Variants in SAMD4A observed in about 807,000 individuals in gnomAD.
SAMD4A encodes the protein sterile alpha motif domain containing 4A.
SAMD4A carries 33 observed loss-of-function variants against 81.3 expected under a neutral mutation model. That is an observed-to-expected ratio of 0.41 (90% CI 0.31 to 0.54). SAMD4A has a LOEUF of 0.54. Ranked by LOEUF, SAMD4A falls within the 20% of genes least tolerant of loss-of-function variation. SAMD4A has a pLI of 0.37. For missense variants in SAMD4A, 854 were observed against 951.1 expected, an observed-to-expected ratio of 0.90 and a Z score of 1.34; for synonymous variants, 389 against 382.1, an observed-to-expected ratio of 1.02 and a Z score of -0.21.
chr14:54,730,576 G>A (rs1196223355), intron 3 of SAMD4A, among the ~76,000 whole-genome samples: 1 of 152,196 alleles, frequency 6.6e-6, no homozygotes, highest in African/African-American at 2.4e-5. Context: ...GGTTTTTCAA[G>A]CCTTTGGTCA....
chr14:54,637,729 G>A (rs1303001545), intron 2 of SAMD4A, among the ~76,000 whole-genome samples: 1 of 152,136 alleles, frequency 6.6e-6, no homozygotes, highest in Non-Finnish European at 1.5e-5. Flanking sequence ...AGGGGTGGAA[G>A]GTAGCTTTGT....
chr14:54,717,463 A>G (rs1028352075), intron 3 of SAMD4A, among the ~76,000 whole-genome samples: 1 of 151,888 alleles, frequency 6.6e-6, no homozygotes, highest in African/African-American at 2.4e-5. Flanking sequence ...AAAAGAAAGA[A>G]ATTTTTTTCA....
chr14:54,701,945 A>G, intron 2 of SAMD4A, 117 bp from the exon 3 acceptor site: 3 of 1,157,786 alleles, frequency 2.6e-6, no homozygotes, highest in Non-Finnish European at 3.6e-6. Context: ...TCTTTTGAGA[A>G]AATATAGCCA....
At chr14:54,774,293 A>AAAAT (rs2038780372) in intron 9 of SAMD4A, among the ~76,000 whole-genome samples, 1 of 152,262 alleles carries the variant, frequency 6.6e-6, no homozygotes, top group East Asian at 1.9e-4. Flanking sequence ...CAAGGATCGA[A>AAAAT]AAATAATGTC....
chr14:54,765,236 A>C (rs1411703063), intron 8 of SAMD4A, among the ~76,000 whole-genome samples: 1 of 152,178 alleles, frequency 6.6e-6, no homozygotes, highest in Non-Finnish European at 1.5e-5. Context: ...CTCCCCACAA[A>C]GAGCTACAGC....
At chr14:54,617,471 CT>C (rs71446500) in intron 2 of SAMD4A, among the ~76,000 whole-genome samples, 62 of 150,982 alleles carry the variant, frequency 4.1e-4, no homozygotes, top group Admixed American at 1.5e-3. Context: ...GAATCTTTCC[CT>C]TTTTTTTTCA....
intron 3 of SAMD4A, among the ~76,000 whole-genome samples, chr14:54,715,740 A>C (rs150217165): frequency 1.3e-5 from 2 of 152,306 alleles, no homozygotes; most frequent in East Asian, 3.9e-4. Flanking sequence ...AATAAAAAGC[A>C]AAATGATTCA....
At position 54,604,766 on chromosome 14, in the gene SAMD4A, T is replaced by TAC. The variant is rs972207790; in HGVS notation, c.196+36656_196+36657dup. ...TTAAAATTATAAAACCTATCATACA[T>TAC]ACAAAAGAGTATATAACACTTATTA... On this transcript the variant is annotated intron_variant, in intron 2 of 12. Coordinates refer to ENST00000554335, the MANE Select transcript of SAMD4A (RefSeq NM_015589.6). Among the ~76,000 whole-genome samples the TAC allele has an allele frequency of 1.3e-5, 2 of 152,218 alleles. 1 individual carries two copies. Among genetic ancestry groups the TAC allele is most frequent in the Admixed American group, 1.3e-4 (2 of 15,284 alleles).
At chr14:54,783,339 A>T (rs1315947609) in intron 11 of SAMD4A, among the ~76,000 whole-genome samples, 1 of 152,184 alleles carries the variant, frequency 6.6e-6, no homozygotes, top group Non-Finnish European at 1.5e-5. Context: ...AGGCACTTCC[A>T]GGTAGTTGAG....
At chr14:54,616,039 A>G (rs2147534) in intron 2 of SAMD4A, among the ~76,000 whole-genome samples, 68,481 of 152,094 alleles carry the variant, frequency 0.45, 15,377 homozygotes, top group Middle Eastern at 0.51. Context: ...TATCTAATAT[A>G]TGGTGTATCC....
chr14:54,766,938 G>GT (rs1260690628), intron 8 of SAMD4A, among the ~76,000 whole-genome samples: 2 of 152,074 alleles, frequency 1.3e-5, no homozygotes, highest in Non-Finnish European at 2.9e-5. Flanking sequence ...CCTGGCTCTG[G>GT]TTTTGTTTTT....
chr14:54,706,630 A>C (rs2036866487), intron 3 of SAMD4A, among the ~76,000 whole-genome samples: 1 of 151,278 alleles, frequency 6.6e-6, no homozygotes, highest in Admixed American at 6.6e-5. Context: ...AGAAAGAAAG[A>C]AAAAAACCAG....
chr14:54,626,794 T>A (rs1370798278), intron 2 of SAMD4A, among the ~76,000 whole-genome samples: 2 of 152,194 alleles, frequency 1.3e-5, no homozygotes, highest in Non-Finnish European at 2.9e-5. Context: ...GAAAAGTTCT[T>A]AATAGTTTAC....
intron 8 of SAMD4A, among the ~76,000 whole-genome samples, chr14:54,765,817 G>A (rs2038523775): frequency 6.8e-6 from 1 of 146,270 alleles, no homozygotes; most frequent in East Asian, 1.9e-4. Flanking sequence ...AAGTTCTCAC[G>A]GCCCTCACCC....
At chr14:54,719,774 G>A (rs1328634142) in intron 3 of SAMD4A, among the ~76,000 whole-genome samples, 1 of 152,140 alleles carries the variant, frequency 6.6e-6, no homozygotes, top group Non-Finnish European at 1.5e-5. Context: ...AACTTAAAAA[G>A]GAGTACTAAG....
intron 6 of SAMD4A, among the ~76,000 whole-genome samples, chr14:54,759,404 G>C (rs1428821898): frequency 6.6e-6 from 1 of 152,034 alleles, no homozygotes; most frequent in Non-Finnish European, 1.5e-5. Context: ...CCTCCACCTG[G>C]AGCGTTTCTC....
intron 2 of SAMD4A, among the ~76,000 whole-genome samples, chr14:54,662,840 C>T (rs1313938742): frequency 1.3e-5 from 2 of 152,150 alleles, no homozygotes; most frequent in African/African-American, 2.4e-5. Flanking sequence ...CTGCACACCC[C>T]ACGTTGACCC....
Position 54,765,103 on chromosome 14 carries a change from T to C in SAMD4A, c.1596+563T>C, listed in dbSNP as rs1006785696. Reference sequence around the variant, plus strand: ...CACAGTCTTCATATACAGAGTGAGATAGACCCTTTGGCATGGCGGGGCTAG... The same window carrying C: ...CACAGTCTTCATATACAGAGTGAGACAGACCCTTTGGCATGGCGGGGCTAG... On this transcript the variant is annotated intron_variant, in intron 8 of 12. Transcript: ENST00000554335. Among the ~76,000 whole-genome samples, 4 of 152,120 alleles carry C rather than the reference T, an allele frequency of 2.6e-5. No individual in the cohort carries two copies. In the East Asian group the frequency reaches 5.8e-4, roughly 22 times the overall value.
chr14:54,714,043 C>T (rs1310044906), intron 3 of SAMD4A, among the ~76,000 whole-genome samples: 2 of 152,156 alleles, frequency 1.3e-5, no homozygotes, highest in Admixed American at 6.6e-5. Flanking sequence ...AGAAGGGAAT[C>T]ATAACAAATA....
Sources: allele counts gnomAD v4.1 joint callset (sites outside exome capture counted in the v4.1 genomes callset), GRCh38; gene constraint gnomAD v4.1.1; transcripts MANE v1.5; gene names NCBI Gene and HGNC (gene_info 2026-07-23, HGNC 2026-07-21).